The following LGSN variants were observed in gnomAD, a reference collection of about 807,000 sequenced individuals.
LGSN encodes the protein lengsin, lens protein with glutamine synthetase domain, also known as lengsin.
LGSN carries 21 observed loss-of-function variants against 19.5 expected under a neutral mutation model. That is an observed-to-expected ratio of 1.07 (90% CI 0.76 to 1.55). The LOEUF is 1.55. Ranked by LOEUF, LGSN falls within the 40% of genes most tolerant of loss-of-function variation. The pLI is 0.00. For synonymous variants in LGSN, 257 were observed against 215.6 expected (o/e 1.19, Z -1.68); for missense variants, 673 against 608.5 (o/e 1.11, Z -1.12).
the LGSN span, among the ~76,000 whole-genome samples, chr6:63,336,632 AT>A: frequency 0.04 from 5,825 of 143,874 alleles, 296 homozygotes; most frequent in African/African-American, 0.12. Context: ...AAAAATAATG[AT>A]TTTTTTTTTT....
the LGSN span, among the ~76,000 whole-genome samples, chr6:63,536,267 T>C: frequency 6.6e-6 from 1 of 152,172 alleles, no homozygotes; most frequent in Non-Finnish European, 1.5e-5. Flanking sequence ...GAGGCGTAGG[T>C]TGCAGTGAGC....
chr6:63,296,878 C>T lies in LGSN; in HGVS notation c.31-1833G>A, dbSNP rs571968583. ...ATGAAAGATGCAGTTTCTAAAAATA[C>T]CTTGTTTTTCAACATGCCATTCTGC... On this transcript the variant is annotated intron_variant, in intron 1 of 3. Transcript: ENST00000370657. Among the ~76,000 whole-genome samples, 30 of 152,176 alleles carry T rather than the reference C, an allele frequency of 2.0e-4. No homozygotes were observed. In the South Asian group the frequency reaches 6.2e-3, roughly 32 times the overall value.
At chr6:63,431,839 G>T in the LGSN span, among the ~76,000 whole-genome samples, 2 of 151,822 alleles carry the variant, frequency 1.3e-5, no homozygotes, top group African/African-American at 4.8e-5. Flanking sequence ...GGCTGAGGCA[G>T]GCGAATCACT....
At chr6:63,418,253 A>C in the LGSN span, among the ~76,000 whole-genome samples, 1 of 152,120 alleles carries the variant, frequency 6.6e-6, no homozygotes, top group African/African-American at 2.4e-5. Flanking sequence ...TCAACTAAAA[A>C]CCCTGAATAT....
intron 1 of LGSN, among the ~76,000 whole-genome samples, chr6:63,295,262 T>C (rs554165595): frequency 5.8e-4 from 88 of 152,342 alleles, no homozygotes; most frequent in African/African-American, 1.9e-3. Context: ...TCTCCTTTTA[T>C]ATGTGATACA....
the LGSN span, among the ~76,000 whole-genome samples, chr6:63,376,068 C>G: frequency 6.6e-6 from 1 of 152,178 alleles, no homozygotes; most frequent in Admixed American, 6.5e-5. Context: ...TTCTAACACA[C>G]TGCTATGCTC....
chr6:63,511,632 A>G, the LGSN span, among the ~76,000 whole-genome samples: 6 of 152,204 alleles, frequency 3.9e-5, no homozygotes, highest in African/African-American at 7.2e-5. Flanking sequence ...GACAGTTTAT[A>G]GTTTACCTAG....
intron 2 of LGSN, chr6:63,293,841 T>G: frequency 2.2e-6 from 1 of 453,282 alleles, no homozygotes; most frequent in East Asian, 7.0e-5. Flanking sequence ...GCACACCATT[T>G]GGTTTCTGAT....
At chr6:63,418,458 G>C in the LGSN span, among the ~76,000 whole-genome samples, 2 of 152,204 alleles carry the variant, frequency 1.3e-5, no homozygotes, top group Non-Finnish European at 2.9e-5. Flanking sequence ...CTACTTGGGA[G>C]GCTGAGGCAG....
chr6:63,467,638 C>T, the LGSN span, among the ~76,000 whole-genome samples: 3 of 152,186 alleles, frequency 2.0e-5, no homozygotes, highest in Non-Finnish European at 2.9e-5. Flanking sequence ...ATAAGGACAG[C>T]AGGATACCAG....
chr6:63,326,185 C>T, the LGSN span, among the ~76,000 whole-genome samples: 1 of 151,356 alleles, frequency 6.6e-6, no homozygotes, highest in Non-Finnish European at 1.5e-5. Context: ...ACACAAGGTG[C>T]TGATTGGTGT....
At chr6:63,381,940 T>C in the LGSN span, among the ~76,000 whole-genome samples, 1 of 152,192 alleles carries the variant, frequency 6.6e-6, no homozygotes, top group African/African-American at 2.4e-5. Context: ...AAAGAAAATG[T>C]TTCCTGACTA....
chr6:63,362,834 G>T, the LGSN span, among the ~76,000 whole-genome samples: 34 of 152,262 alleles, frequency 2.2e-4, no homozygotes, highest in African/African-American at 7.9e-4. Flanking sequence ...TGTCTGACAG[G>T]TCTGAAGAGA....
chr6:63,465,763 A>G, the LGSN span, among the ~76,000 whole-genome samples: 70,566 of 151,906 alleles, frequency 0.46, 18,242 homozygotes, highest in Non-Finnish European at 0.57. Flanking sequence ...CCTCTTTCAT[A>G]AAGTTATATT....
the LGSN span, among the ~76,000 whole-genome samples, chr6:63,335,856 G>A: frequency 6.6e-6 from 1 of 152,026 alleles, no homozygotes; most frequent in Non-Finnish European, 1.5e-5. Context: ...GGTATCAAAA[G>A]GACAAATGTA....
intron 1 of LGSN, among the ~76,000 whole-genome samples, chr6:63,305,675 T>C (rs1768355591): frequency 6.6e-6 from 1 of 152,164 alleles, no homozygotes; most frequent in Non-Finnish European, 1.5e-5. Context: ...CCAGAGTCGC[T>C]CTGAACCTAT....
At chr6:63,571,711 A>G in the LGSN span, 1 of 152,256 alleles carries the variant, frequency 6.6e-6, no homozygotes, top group Non-Finnish European at 1.5e-5. Context: ...AAATGCCACA[A>G]TTGAGCCAAC....
chr6:63,284,915 C>G (rs1033848850), intron 3 of LGSN, among the ~76,000 whole-genome samples: 1 of 152,162 alleles, frequency 6.6e-6, no homozygotes, highest in Non-Finnish European at 1.5e-5. Flanking sequence ...CTAGAGGATG[C>G]TTAACTTTCA....
At chr6:63,354,003 G>T in the LGSN span, among the ~76,000 whole-genome samples, 1 of 152,022 alleles carries the variant, frequency 6.6e-6, no homozygotes, top group Admixed American at 6.6e-5. Context: ...ACTCAAAACG[G>T]ATTAGACTTA....
Sources: allele counts gnomAD v4.1 joint callset (sites outside exome capture counted in the v4.1 genomes callset), GRCh38; gene constraint gnomAD v4.1.1; transcripts MANE v1.5; gene names NCBI Gene and HGNC (gene_info 2026-07-23, HGNC 2026-07-21).